ANTXR1: variants seen among roughly 807,000 people sequenced by gnomAD.
ANTXR1 encodes the protein anthrax toxin receptor 1.
ANTXR1 carries 19 observed loss-of-function variants against 78.1 expected under a neutral mutation model. The ratio of observed to expected loss-of-function variants is 0.24; its 90% CI spans 0.17 to 0.36. The LOEUF (loss-of-function observed/expected upper bound fraction) is 0.36. Ranked by LOEUF, ANTXR1 falls within the 10% of genes least tolerant of loss-of-function variation. ANTXR1 has a pLI of 1.00. For synonymous variants in ANTXR1, 273 were observed against 260.5 expected, an observed-to-expected ratio of 1.05 and a Z score of -0.46; for missense variants, 518 against 718.6, an observed-to-expected ratio of 0.72 and a Z score of 3.19.
chr2:69,077,619 C>A, intron 8 of ANTXR1, 131 bp downstream of exon 8: 1 of 977,064 alleles, frequency 1.0e-6, no homozygotes, highest in Non-Finnish European at 1.6e-6. Context: ...CTTCCTATAT[C>A]TTTGTGTCTG....
At chr2:69,174,303 G>A (rs1207777664) in intron 14 of ANTXR1, among the ~76,000 whole-genome samples, 1 of 152,246 alleles carries the variant, frequency 6.6e-6, no homozygotes, top group East Asian at 1.9e-4. Flanking sequence ...CCTGTGCGCT[G>A]ATAGCAAGTG....
At chr2:69,233,349 C>T (rs146555197) in intron 17 of ANTXR1, among the ~76,000 whole-genome samples, 152 of 151,608 alleles carry the variant, frequency 1.0e-3, no homozygotes, top group African/African-American at 3.7e-3. Flanking sequence ...AATTTGGGTG[C>T]AAAAATCCTA....
At chr2:69,222,387 AGT>A (rs1675341061) in intron 17 of ANTXR1, among the ~76,000 whole-genome samples, 1 of 152,216 alleles carries the variant, frequency 6.6e-6, no homozygotes, top group Non-Finnish European at 1.5e-5. Flanking sequence ...ATATTCCTTC[AGT>A]GATTTTAAGT....
chr2:69,139,413 T>C (rs1399483567), intron 12 of ANTXR1, among the ~76,000 whole-genome samples: 1 of 152,254 alleles, frequency 6.6e-6, no homozygotes, highest in Admixed American at 6.5e-5. Flanking sequence ...GACTTTGTAA[T>C]TGGACTCTGA....
chr2:69,046,041 A>G (rs1322760607), intron 3 of ANTXR1, among the ~76,000 whole-genome samples: 1 of 152,190 alleles, frequency 6.6e-6, no homozygotes, highest in Non-Finnish European at 1.5e-5. Context: ...AGAAGCTCTG[A>G]GAAGGTGTCT....
intron 1 of ANTXR1, among the ~76,000 whole-genome samples, chr2:69,038,193 G>C (rs887382005): frequency 1.3e-5 from 2 of 152,050 alleles, no homozygotes; most frequent in African/African-American, 4.8e-5. Context: ...TAATTCTTCT[G>C]TCTTCCTCAC....
intron 12 of ANTXR1, 152 bp from the exon 13 acceptor site, chr2:69,152,017 C>A: frequency 1.3e-6 from 1 of 765,190 alleles, no homozygotes; most frequent in African/African-American, 1.7e-5. Context: ...GGGCCATGAG[C>A]CCCAGAATGA....
chr2:69,188,231 C>G (rs1375743947), intron 16 of ANTXR1, among the ~76,000 whole-genome samples: 1 of 152,104 alleles, frequency 6.6e-6, no homozygotes, highest in African/African-American at 2.4e-5. Flanking sequence ...CTCAGTCTCC[C>G]AAGTAGCTGG....
intron 1 of ANTXR1, among the ~76,000 whole-genome samples, chr2:69,022,007 T>C (rs1671203559): frequency 6.6e-6 from 1 of 152,168 alleles, no homozygotes. Context: ...GGGGATTAAA[T>C]TAGATTAAAT....
At chr2:69,166,832 G>A (rs746412577) in intron 13 of ANTXR1, among the ~76,000 whole-genome samples, 3 of 152,250 alleles carry the variant, frequency 2.0e-5, no homozygotes, top group South Asian at 2.1e-4. Context: ...CATTCTAGTT[G>A]GAAACAGAGG....
At chr2:69,238,737 G>A (rs1001804240) in intron 17 of ANTXR1, among the ~76,000 whole-genome samples, 6 of 152,112 alleles carry the variant, frequency 3.9e-5, no homozygotes, top group African/African-American at 1.4e-4. Context: ...AGAGAGAAAA[G>A]GTATTTGTCA....
intron 14 of ANTXR1, among the ~76,000 whole-genome samples, chr2:69,175,514 C>T (rs909230471): frequency 2.0e-5 from 3 of 152,132 alleles, no homozygotes; most frequent in African/African-American, 7.2e-5. Context: ...GTCCCAGCTA[C>T]TGGGGAGGCT....
At chr2:69,105,204 T>G (rs1671765416) in intron 10 of ANTXR1, among the ~76,000 whole-genome samples, 1 of 152,214 alleles carries the variant, frequency 6.6e-6, no homozygotes, top group Non-Finnish European at 1.5e-5. Flanking sequence ...AACCAGTCCA[T>G]CCCTCTCTCT....
At chr2:69,183,243 T>A (rs10182875) in intron 16 of ANTXR1, among the ~76,000 whole-genome samples, 45 of 151,746 alleles carry the variant, frequency 3.0e-4, no homozygotes, top group African/African-American at 1.1e-3. Flanking sequence ...ATCTCACTGG[T>A]CATGGATCTA....
intron 6 of ANTXR1, among the ~76,000 whole-genome samples, chr2:69,074,985 G>C (rs976912549): frequency 6.0e-5 from 9 of 148,812 alleles, no homozygotes; most frequent in African/African-American, 2.4e-4. Flanking sequence ...CTTAATTGTA[G>C]AGATCATGGA....
chr2:69,091,638 A>G (rs977337195), intron 9 of ANTXR1, among the ~76,000 whole-genome samples: 4 of 152,060 alleles, frequency 2.6e-5, no homozygotes, highest in Non-Finnish European at 2.9e-5. Flanking sequence ...CATAGGCCAT[A>G]CTGGAAATAC....
intron 3 of ANTXR1, among the ~76,000 whole-genome samples, chr2:69,051,593 G>A (rs1258697391): frequency 6.6e-6 from 1 of 151,836 alleles, no homozygotes; most frequent in Non-Finnish European, 1.5e-5. Context: ...ACTACTACAT[G>A]ATCAAATTTT....
chr2:69,075,821 T>C (rs1670714718), intron 7 of ANTXR1, among the ~76,000 whole-genome samples, 163 bp downstream of exon 7: 1 of 152,240 alleles, frequency 6.6e-6, no homozygotes, highest in African/African-American at 2.4e-5. Flanking sequence ...GTGTAAGGAA[T>C]ATGAAGTCAT....
intron 1 of ANTXR1, among the ~76,000 whole-genome samples, chr2:69,016,187 A>G (rs1029326613): frequency 6.6e-6 from 1 of 152,210 alleles, no homozygotes; most frequent in Non-Finnish European, 1.5e-5. Flanking sequence ...TACTAGCCAT[A>G]TGTGACTCGA....
Sources: allele counts gnomAD v4.1 joint callset (sites outside exome capture counted in the v4.1 genomes callset), GRCh38; gene constraint gnomAD v4.1.1; transcripts MANE v1.5; gene names NCBI Gene and HGNC (gene_info 2026-07-23, HGNC 2026-07-21).